Variants in MALRD1 observed in about 807,000 individuals in gnomAD.
MALRD1 encodes the protein MAM and LDL-receptor class A domain-containing protein 1.
Under a neutral mutation model 242.1 loss-of-function variants are expected in MALRD1, and 247 were observed. The ratio of observed to expected loss-of-function variants is 1.02; its 90% confidence interval spans 0.92 to 1.13. The LOEUF (loss-of-function observed/expected upper bound fraction) is 1.13, where lower values mean the gene tolerates loss of function less well. MALRD1 is among the 50% of genes most tolerant of loss of function. MALRD1 has a pLI of 0.00. For missense variants in MALRD1, 2,989 were observed against 2,533.1 expected, an observed-to-expected ratio of 1.18 and a Z score of -3.86; for synonymous variants, 995 against 866.6, an observed-to-expected ratio of 1.15 and a Z score of -2.60.
intron 36 of MALRD1, among the ~76,000 whole-genome samples, chr10:19,650,852 C>T (rs910481099): frequency 6.6e-6 from 1 of 152,128 alleles, no homozygotes; most frequent in African/African-American, 2.4e-5. Flanking sequence ...TTAGTATCAG[C>T]GGTTTAGCAG....
At chr10:19,252,595 C>A (rs565037169) in intron 18 of MALRD1, among the ~76,000 whole-genome samples, 1 of 151,972 alleles carries the variant, frequency 6.6e-6, no homozygotes, top group Non-Finnish European at 1.5e-5. Context: ...CAGTAATCAT[C>A]TTATAGTTCT....
At chr10:19,410,227 A>T (rs1166285020) in intron 28 of MALRD1, among the ~76,000 whole-genome samples, 2 of 152,134 alleles carry the variant, frequency 1.3e-5, no homozygotes, top group African/African-American at 4.8e-5. Context: ...TGCTTTTCAT[A>T]TTGCCTATAT....
intron 10 of MALRD1, among the ~76,000 whole-genome samples, chr10:19,138,229 T>C (rs1362252628): frequency 2.6e-5 from 4 of 152,190 alleles, no homozygotes; most frequent in Non-Finnish European, 4.4e-5. Flanking sequence ...CTCTCTTCTT[T>C]TGTTCAAAAC....
chr10:19,277,575 C>G (rs1360055651), intron 19 of MALRD1, among the ~76,000 whole-genome samples: 1 of 152,140 alleles, frequency 6.6e-6, no homozygotes, highest in Non-Finnish European at 1.5e-5. Flanking sequence ...ATCTGGTCAA[C>G]TCTCCTTGCT....
At chr10:19,489,593 C>T (rs1425795405) in intron 29 of MALRD1, among the ~76,000 whole-genome samples, 2 of 152,036 alleles carry the variant, frequency 1.3e-5, no homozygotes, top group East Asian at 1.9e-4. Flanking sequence ...TGAAATCATT[C>T]GCTGGTTGTT....
rs183092073 is a variant in MALRD1, at chr10:19,424,744, A to C, written c.4846-25563A>C. Among the ~76,000 whole-genome samples, 4 of 152,224 alleles carry C rather than the reference A, an allele frequency of 2.6e-5. No individual in the cohort carries two copies. The East Asian group carries it at 7.8e-4, about 30-fold the overall frequency. ...GTAAGAAATAATATTTTCTTTAAAAATCACATTTGTTTTTTTTCTCTAAGT... is the reference window on the plus strand; with the variant it reads ...GTAAGAAATAATATTTTCTTTAAAACTCACATTTGTTTTTTTTCTCTAAGT... On this transcript the variant is annotated intron_variant, in intron 28 of 39. Coordinates refer to ENST00000454679, the MANE Select transcript of MALRD1 (RefSeq NM_001142308.3).
rs1446663569 is a variant in MALRD1, at chr10:19,324,031, A to T, written c.3502A>T (p.Ile1168Phe). ...GDTADILTPI[I>F]SLTGPKCTLV... ...CACGGCTGACATTCTCACTCCTATC[A>T]TTTCACTCACGGGACCAAAATGTAC... The change falls in exon 22 of 40, where the codon ATT (isoleucine) becomes TTT (phenylalanine). Residue 1168 changes from isoleucine to phenylalanine, a missense_variant. Ile to Phe is a conservative substitution (Grantham distance 21). Transcript: ENST00000454679. 6.4e-7 allele frequency: 1 copy of T among 1,550,630 alleles called. No homozygotes were observed. The highest frequency in any genetic ancestry group is 8.7e-7 in the Non-Finnish European group (1 of 1,146,934).
intron 18 of MALRD1, among the ~76,000 whole-genome samples, chr10:19,238,679 T>C (rs1384070357): frequency 6.8e-6 from 1 of 147,208 alleles, no homozygotes; most frequent in East Asian, 2.0e-4. Context: ...AGAGTGCAGA[T>C]ATTTTTCAAA....
At chr10:19,605,177 A>G (rs1414506382) in intron 34 of MALRD1, among the ~76,000 whole-genome samples, 5 of 143,022 alleles carry the variant, frequency 3.5e-5, no homozygotes, top group Admixed American at 6.9e-5. Flanking sequence ...TTTTTTTTTT[A>G]CAGAATCTTG....
At chr10:19,620,854 C>G (rs1299898278) in intron 36 of MALRD1, among the ~76,000 whole-genome samples, 2 of 151,606 alleles carry the variant, frequency 1.3e-5, no homozygotes, top group African/African-American at 4.8e-5. Context: ...AGAAAATGAC[C>G]TCACCATAAC....
intron 35 of MALRD1, 81 bp downstream of exon 35, chr10:19,607,983 G>A: frequency 6.8e-7 from 1 of 1,476,618 alleles, no homozygotes; most frequent in Non-Finnish European, 9.1e-7. Flanking sequence ...TAAAACTTGA[G>A]GTTCTAAACA....
chr10:19,061,973 G>C (rs1834835815), intron 1 of MALRD1, among the ~76,000 whole-genome samples: 1 of 152,126 alleles, frequency 6.6e-6, no homozygotes, highest in Admixed American at 6.6e-5. Flanking sequence ...AGTATCAACA[G>C]AGTGAAAAGG....
At chr10:19,295,006 A>T in intron 21 of MALRD1, among the ~76,000 whole-genome samples, 1 of 152,158 alleles carries the variant, frequency 6.6e-6, no homozygotes, top group African/African-American at 2.4e-5. Flanking sequence ...ATTTATTAAT[A>T]TTTTTATGAG....
chr10:19,111,338 A>G (rs1471690755), intron 5 of MALRD1, among the ~76,000 whole-genome samples: 1 of 152,218 alleles, frequency 6.6e-6, no homozygotes, highest in Non-Finnish European at 1.5e-5. Context: ...TCTAGACATC[A>G]TTATAACCAT....
intron 14 of MALRD1, among the ~76,000 whole-genome samples, chr10:19,200,836 T>G (rs951691457): frequency 1.3e-5 from 2 of 151,986 alleles, no homozygotes; most frequent in African/African-American, 4.8e-5. Flanking sequence ...AGGTAATTTT[T>G]CTCACAGCAA....
intron 13 of MALRD1, among the ~76,000 whole-genome samples, chr10:19,174,419 C>A (rs1332464770): frequency 6.6e-6 from 1 of 152,052 alleles, no homozygotes; most frequent in Non-Finnish European, 1.5e-5. Flanking sequence ...ATTTAATGAT[C>A]CTTGAGATTG....
chr10:19,329,988 G>T (rs965434939), intron 23 of MALRD1, among the ~76,000 whole-genome samples: 5 of 152,120 alleles, frequency 3.3e-5, no homozygotes, highest in African/African-American at 1.2e-4. Context: ...GAGCATTGCA[G>T]CATATGTTGA....
At chr10:19,716,201 A>G (rs1312231792) in intron 38 of MALRD1, among the ~76,000 whole-genome samples, 1 of 152,190 alleles carries the variant, frequency 6.6e-6, no homozygotes, top group Non-Finnish European at 1.5e-5. Context: ...GTATTTTTTA[A>G]AAGGAGGTGG....
At chr10:19,491,795 G>T (rs1330482564) in intron 30 of MALRD1, 150 bp downstream of exon 30, 6 of 801,806 alleles carry the variant, frequency 7.5e-6, no homozygotes, top group African/African-American at 1.8e-5. Flanking sequence ...CCCCAAATTT[G>T]TATACAAGTA....
Sources: gnomAD v4.1 joint callset for allele counts (sites outside exome capture counted in the v4.1 genomes callset) on GRCh38, gnomAD v4.1.1 for gene constraint, MANE v1.5 for transcripts, NCBI Gene and HGNC (gene_info 2026-07-23, HGNC 2026-07-21) for gene names.